ATAD2: variants seen among roughly 807,000 people sequenced by gnomAD.
The protein encoded by ATAD2 is ATPase family AAA domain containing 2.
A neutral mutation model predicts 168.9 loss-of-function variants in ATAD2; 62 were observed. The ratio of observed to expected loss-of-function variants is 0.37; its 90% CI spans 0.30 to 0.45. The LOEUF is 0.45. ATAD2 is among the 20% of genes least tolerant of loss of function. ATAD2 has a pLI of 1.00. For missense variants in ATAD2, 1,419 were observed against 1,667.8 expected (o/e 0.85, Z 2.60); for synonymous variants, 613 against 571.6 (o/e 1.07, Z -1.03).
At chr8:123,400,373 A>G (rs957807467), upstream of ATAD2, among the ~76,000 whole-genome samples, 4 of 152,144 alleles carry the variant, frequency 2.6e-5, no homozygotes, top group African/African-American at 7.2e-5. The surrounding 1 kb of genome is among the most constrained non-coding windows in gnomAD (Gnocchi z 4.5). Flanking sequence ...GGAGCTTATT[A>G]AACACACTAC....
At chr8:123,396,721 C>G (rs996660910), upstream of ATAD2, among the ~76,000 whole-genome samples, 1 of 152,038 alleles carries the variant, frequency 6.6e-6, no homozygotes, top group Non-Finnish European at 1.5e-5. Context: ...GTGCGTAGCC[C>G]GTTTGGAATT....
chr8:123,320,442 G>A lies in ATAD2; in HGVS notation c.*692C>T, dbSNP rs1370099729. The A allele has an allele frequency of 6.6e-6, 1 of 152,084 alleles. No homozygotes were observed. Among genetic ancestry groups the A allele is most frequent in the Non-Finnish European group, 1.5e-5 (1 of 68,024 alleles). The allele number at this position is 152,084 out of a possible 1,614,324, so 9.4% of individuals were successfully genotyped here. A position where few individuals can be genotyped will look rare whatever the true frequency, so the allele number is the denominator to read the frequency against. On this transcript the variant is annotated 3_prime_UTR_variant, in exon 28 of 28. Transcript: ENST00000287394. ...TAAAAACCTTGTGCTATTAAAAGGTGTTTAACAAGGTAGTTATTAATACAT... is the reference window on the plus strand; with the variant it reads ...TAAAAACCTTGTGCTATTAAAAGGTATTTAACAAGGTAGTTATTAATACAT...
chr8:123,333,116 C>T (rs1490407642), intron 24 of ATAD2, among the ~76,000 whole-genome samples: 2 of 150,996 alleles, frequency 1.3e-5, no homozygotes, highest in Non-Finnish European at 2.9e-5. Context: ...TGGCCAGGCG[C>T]AGTGGCTCAC....
chr8:123,402,168 G>C lies in ATAD2; in HGVS notation c.-2281-993C>G. Reference sequence around the variant, plus strand: ...CCCCCAGTGTCCACCTTCGGGCATAGCCTCCCTCCATCACTGAGTGGTCCA... The same window carrying C: ...CCCCCAGTGTCCACCTTCGGGCATACCCTCCCTCCATCACTGAGTGGTCCA... On this transcript the variant is annotated intron_variant, in intron 1 of 28. Transcript: ENST00000521903. This position sits in a 1 kb window ranked among gnomAD's most constrained non-coding sequence, Gnocchi z 4.8. 1 of 685,250 alleles carries C rather than the reference G, an allele frequency of 1.5e-6. No individual in the cohort carries two copies. The allele number at this position is 685,250 out of a possible 1,614,324, so 42.4% of individuals were successfully genotyped here.
At chr8:123,388,948 G>A (rs1473359799) in intron 1 of ATAD2, among the ~76,000 whole-genome samples, 1 of 150,986 alleles carries the variant, frequency 6.6e-6, no homozygotes, top group Non-Finnish European at 1.5e-5. Flanking sequence ...AATTCTTTTT[G>A]TGCTTTGCTG....
intron 1 of ATAD2, among the ~76,000 whole-genome samples, chr8:123,412,832 G>A (rs1406718848): frequency 6.6e-6 from 1 of 152,074 alleles, no homozygotes; most frequent in East Asian, 1.9e-4. Flanking sequence ...ACTCTAGCAT[G>A]GCTTCTAGCA....
At chr8:123,395,763 C>A (rs1449508421) in intron 1 of ATAD2, among the ~76,000 whole-genome samples, 1 of 152,136 alleles carries the variant, frequency 6.6e-6, no homozygotes, top group Non-Finnish European at 1.5e-5. Context: ...CCTGTGCCCC[C>A]TCCCCCCCAA....
chr8:123,347,496 A>T lies in ATAD2; in HGVS notation c.1898-90T>A, dbSNP rs1170192636. 6 of 1,281,812 alleles carry T rather than the reference A, an allele frequency of 4.7e-6. No individual in the cohort carries two copies. In the East Asian group the frequency reaches 1.2e-4, roughly 26 times the overall value. 79.4% of individuals were successfully genotyped at this position (1,281,812 alleles called of 1,614,324 possible). On this transcript the variant is annotated intron_variant, in intron 15 of 27. Coordinates refer to ENST00000287394, the MANE Select transcript of ATAD2 (RefSeq NM_014109.4). ...TAGCATGACCATGGTTAAAAAAAAA[A>T]TTAAAAATCAGCCTCGGAATATAGT...
intron 1 of ATAD2, among the ~76,000 whole-genome samples, chr8:123,407,092 T>C (rs919242912): frequency 5.3e-5 from 8 of 152,128 alleles, no homozygotes; most frequent in African/African-American, 1.7e-4. Flanking sequence ...AGGCAGAGAT[T>C]GCAGTGATGT....
Position 123,369,895 on chromosome 8 carries a change from C to A in ATAD2, c.857G>T (p.Gly286Val). Residue 286 changes from glycine to valine, a missense_variant, in exon 7 of 28, where the codon GGA (glycine) becomes GTA (valine). By Grantham distance (109) the Gly-to-Val change is moderately radical. This residue lies in a region of ATAD2 where 419 missense variants were observed against 423.5 expected (regional missense o/e 0.99). Coordinates refer to ENST00000287394, the MANE Select transcript of ATAD2 (RefSeq NM_014109.4). ...ATATCGCTTCTGATTCTCTTCTTCTCCATCTTCTTCATCTTCATCATCTTC... is the reference window on the plus strand; with the variant it reads ...ATATCGCTTCTGATTCTCTTCTTCTACATCTTCTTCATCTTCATCATCTTC... ...DDEDDEDEED[G>V]EEENQKRYYL... 6.2e-7 allele frequency: 1 copy of A among 1,609,260 alleles called. No individual in the cohort carries two copies. The highest frequency in any genetic ancestry group is 8.5e-7 in the Non-Finnish European group (1 of 1,177,922).
chr8:123,402,066 G>C lies in ATAD2; in HGVS notation c.-2281-891C>G. 2.7e-6 allele frequency: 4 copies of C among 1,474,876 alleles called. No homozygotes were observed. Among genetic ancestry groups the C allele is most frequent in the Non-Finnish European group, 3.8e-6 (4 of 1,059,900 alleles). 91.4% of individuals were successfully genotyped at this position (1,474,876 alleles called of 1,614,324 possible). On this transcript the variant is annotated intron_variant, in intron 1 of 28. Transcript: ENST00000521903. The surrounding 1 kb of genome is among the most constrained non-coding windows in gnomAD (Gnocchi z 4.8). Reference sequence around the variant, plus strand: ...CGTACCATGTCGGCCCAGATTGAGGGTGGCGTCCATGGCCTGCACTCTTAG... The same window carrying C: ...CGTACCATGTCGGCCCAGATTGAGGCTGGCGTCCATGGCCTGCACTCTTAG...
intron 10 of ATAD2, 60 bp downstream of exon 10, chr8:123,359,517 T>C: frequency 6.8e-7 from 1 of 1,475,920 alleles, no homozygotes. Context: ...TTTTTTTAAC[T>C]TTAAAACTAA....
upstream of ATAD2, chr8:123,396,591 A>G (rs534250522): frequency 4.2e-4 from 229 of 543,326 alleles, 1 homozygote; most frequent in Admixed American, 6.0e-4. Flanking sequence ...GCCAACGTGG[A>G]GAGGAACACA....
chr8:123,372,578 C>T, intron 3 of ATAD2, 59 bp downstream of exon 3: 1 of 1,342,946 alleles, frequency 7.4e-7, no homozygotes, highest in Admixed American at 2.4e-5. Context: ...CTCAAAAAAC[C>T]TGTAAACAGA....
At chr8:123,332,428 C>A (rs1827799318) in intron 24 of ATAD2, among the ~76,000 whole-genome samples, 1 of 152,092 alleles carries the variant, frequency 6.6e-6, no homozygotes, top group African/African-American at 2.4e-5. Context: ...GTCATAATAT[C>A]CTAAAAAGTA....
chr8:123,361,746 T>A, intron 8 of ATAD2, 100 bp from the exon 9 acceptor site: 2 of 910,296 alleles, frequency 2.2e-6, no homozygotes, highest in Non-Finnish European at 3.4e-6. Flanking sequence ...AAAAAGTTTA[T>A]CATAAAATTA....
At chr8:123,412,433 T>C (rs577717609) in intron 1 of ATAD2, among the ~76,000 whole-genome samples, 37 of 152,172 alleles carry the variant, frequency 2.4e-4, no homozygotes, top group African/African-American at 8.9e-4. Context: ...TTTTAAGTTA[T>C]TTTATTTATT....
At chr8:123,323,090 T>G (rs1202696829) in intron 26 of ATAD2, 24 bp from the exon 27 acceptor site, 1 of 1,597,860 alleles carries the variant, frequency 6.3e-7, no homozygotes, top group Non-Finnish European at 8.5e-7. Flanking sequence ...TGAGTGTCAA[T>G]ATGTGTGAGA....
chr8:123,330,898 G>C (rs940593903), intron 24 of ATAD2, among the ~76,000 whole-genome samples: 25 of 152,182 alleles, frequency 1.6e-4, no homozygotes, highest in African/African-American at 6.0e-4. Context: ...TAGTGCAGCT[G>C]CAACAACAGC....
Sources: gnomAD v4.1 joint callset for allele counts (sites outside exome capture counted in the v4.1 genomes callset) on GRCh38, gnomAD v4.1.1 for gene constraint, gnomAD v4.1.1 regional missense constraint, Gnocchi (gnomAD v3.1) non-coding constraint, MANE v1.5 for transcripts, NCBI Gene and HGNC (gene_info 2026-07-23, HGNC 2026-07-21) for gene names.